Variants in PPIL2 observed in about 807,000 individuals in gnomAD.
PPIL2 encodes the protein RING-type E3 ubiquitin-protein ligase PPIL2.
PPIL2 carries 50 observed loss-of-function variants against 75.2 expected under a neutral mutation model. The observed-to-expected ratio is 0.66, with a 90% CI of 0.53 to 0.84. The LOEUF (loss-of-function observed/expected upper bound fraction) is 0.84, where lower values mean the gene tolerates loss of function less well. PPIL2 is among the 40% of genes least tolerant of loss of function. PPIL2 has a pLI of 0.00. For missense variants in PPIL2, 590 were observed against 685.0 expected, an observed-to-expected ratio of 0.86 and a Z score of 1.55; for synonymous variants, 245 against 258.8, an observed-to-expected ratio of 0.95 and a Z score of 0.51.
Position 21,695,634 on chromosome 22 carries a change from C to T in PPIL2, c.*144C>T, listed in dbSNP as rs968952451. The T allele has an allele frequency of 2.0e-6, 3 of 1,469,350 alleles. No homozygotes were observed. Among genetic ancestry groups the T allele is most frequent in the African/African-American group, 1.4e-5 (1 of 70,910 alleles). The allele number at this position is 1,469,350 out of a possible 1,614,324, so 91.0% of individuals were successfully genotyped here. On this transcript the variant is annotated 3_prime_UTR_variant, in exon 20 of 20. Transcript: ENST00000398831. The stretch of plus-strand genomic sequence containing the variant: ...CTGCCTGCATCCCCTTTCCTGGCCC[C>T]TGGGAGCCCACAGCCTTCCCATCCC...
chr22:21,698,198 G>A (rs1302573875), downstream of PPIL2: 1 of 147,938 alleles, frequency 6.8e-6, no homozygotes, highest in Non-Finnish European at 1.5e-5. Flanking sequence ...GTTTAAAAAT[G>A]AGCTTGTATT....
rs373331521 is a variant in PPIL2, at chr22:21,694,563, C to G, written c.1197-30C>G. On this transcript the variant is annotated intron_variant, in intron 16 of 19. Coordinates refer to ENST00000398831, the MANE Select transcript of PPIL2 (RefSeq NM_014337.4). ...CGTGGGGGTGCCCTCCTTGAGCACACGCAGACCCACCTCTGTCTCCCTGCT... is the reference window on the plus strand; with the variant it reads ...CGTGGGGGTGCCCTCCTTGAGCACAGGCAGACCCACCTCTGTCTCCCTGCT... The G allele has an allele frequency of 1.2e-5, 20 of 1,612,476 alleles. No homozygotes were observed. The African/African-American group carries it at 2.4e-4, about 19-fold the overall frequency.
At chr22:21,688,150 C>T (rs770308555) in intron 14 of PPIL2, 44 bp downstream of exon 14, 2 of 1,612,994 alleles carry the variant, frequency 1.2e-6, no homozygotes, top group Non-Finnish European at 1.7e-6. Context: ...TTTGGCTGCT[C>T]CGTGGGGCAT....
rs2067949625 is a variant in PPIL2, at chr22:21,696,733, C to G, written c.*1243C>G. ...TTTTCTCATTTTTGTTGCCCCAAAT[C>G]TTGAACCTGTCAGCAACTTGCAGGC... On this transcript the variant is annotated 3_prime_UTR_variant, in exon 20 of 20. Coordinates refer to ENST00000398831, the MANE Select transcript of PPIL2 (RefSeq NM_014337.4). The G allele has an allele frequency of 6.5e-7, 1 of 1,538,654 alleles. No homozygotes were observed. The highest frequency in any genetic ancestry group is 8.7e-7 in the Non-Finnish European group (1 of 1,146,620).
intron 15 of PPIL2, among the ~76,000 whole-genome samples, chr22:21,691,889 T>C (rs2067656245): frequency 1.3e-5 from 2 of 152,180 alleles, no homozygotes. Flanking sequence ...GCCTCGGGTG[T>C]GGTCAGACTT....
intron 7 of PPIL2, 57 bp downstream of exon 7, chr22:21,681,447 C>A (rs2148533954): frequency 1.4e-6 from 2 of 1,470,456 alleles, no homozygotes; most frequent in East Asian, 4.5e-5. Context: ...GCTGTGTGTT[C>A]CTAGTATACA....
Position 21,696,608 on chromosome 22 carries a change from C to T in PPIL2, c.*1118C>T. 6.7e-7 allele frequency: 1 copy of T among 1,487,338 alleles called. No homozygotes were observed. The highest frequency in any genetic ancestry group is 8.9e-7 in the Non-Finnish European group (1 of 1,122,006). 92.1% of individuals were successfully genotyped at this position (1,487,338 alleles called of 1,614,324 possible). ...GGTCAGTGTTCTCATGTCATGGACT[C>T]TCCTTGCCTGACACTTGCCTCTTGG... On this transcript the variant is annotated 3_prime_UTR_variant, in exon 20 of 20. Coordinates refer to ENST00000398831, the MANE Select transcript of PPIL2 (RefSeq NM_014337.4).
At chr22:21,666,163 C>CCG in intron 1 of PPIL2, 32 bp downstream of exon 1, 1 of 1,595,522 alleles carries the variant, frequency 6.3e-7, no homozygotes, top group Non-Finnish European at 8.6e-7. Flanking sequence ...AGCGGCGCTC[C>CCG]ACTCTGCCTC....
chr22:21,669,995 G>A (rs758792424), intron 2 of PPIL2, 33 bp downstream of exon 2: 15 of 1,594,586 alleles, frequency 9.4e-6, no homozygotes, highest in South Asian at 1.1e-5. Context: ...TCCCCGTTGG[G>A]GGAGTGGTAT....
chr22:21,670,486 TA>T (rs1161333071), intron 2 of PPIL2, 79 bp from the exon 3 acceptor site: 18 of 1,502,336 alleles, frequency 1.2e-5, no homozygotes, highest in Non-Finnish European at 1.5e-5. Flanking sequence ...TCATAAGCTG[TA>T]ACTGAATTGC....
At chr22:21,674,238 A>G (rs1053057004) in intron 5 of PPIL2, among the ~76,000 whole-genome samples, 1 of 152,152 alleles carries the variant, frequency 6.6e-6, no homozygotes, top group Non-Finnish European at 1.5e-5. Context: ...GTCTCCCCAC[A>G]GCCCCGCCCC....
Position 21,696,515 on chromosome 22 carries a change from C to G in PPIL2, c.*1025C>G. ...GCAGCCCTTAAAGAAAGACCCCTCC[C>G]TCAACCCCCATTTTTCTGTTAAATG... On this transcript the variant is annotated 3_prime_UTR_variant, in exon 20 of 20. Transcript: ENST00000398831. The G allele has an allele frequency of 7.7e-7, 1 of 1,301,496 alleles. No individual in the cohort carries two copies. Among genetic ancestry groups the G allele is most frequent in the Non-Finnish European group, 9.8e-7 (1 of 1,016,568 alleles). 80.6% of individuals were successfully genotyped at this position (1,301,496 alleles called of 1,614,324 possible).
At chr22:21,687,833 C>T in intron 13 of PPIL2, 101 bp downstream of exon 13, 4 of 1,251,580 alleles carry the variant, frequency 3.2e-6, no homozygotes, top group South Asian at 2.6e-5. Flanking sequence ...GCCCATCCCA[C>T]GGTGGCCAGG....
intron 15 of PPIL2, among the ~76,000 whole-genome samples, chr22:21,691,137 T>G (rs1245668833): frequency 6.6e-6 from 1 of 151,174 alleles, no homozygotes; most frequent in African/African-American, 2.4e-5. Flanking sequence ...AGAGACAGGG[T>G]TTCACCATGT....
intron 6 of PPIL2, among the ~76,000 whole-genome samples, chr22:21,681,038 AG>A (rs1985484959): frequency 2.0e-5 from 3 of 152,046 alleles, no homozygotes; most frequent in Non-Finnish European, 2.9e-5. Context: ...GTGATCACCC[AG>A]GGGTGGGCTG....
In PPIL2 at chr22:21,695,902, G is replaced by C. The variant is rs2067908723; in HGVS notation, c.*412G>C. On this transcript the variant is annotated 3_prime_UTR_variant, in exon 20 of 20. Transcript: ENST00000398831. ...AGTGGTGTGATCATGGCTCACTGCA[G>C]CCTCGACCTCCTGGGCTCAAGCAAT... 3.1e-6 allele frequency: 3 copies of C among 967,984 alleles called. No individual in the cohort carries two copies. Among genetic ancestry groups the C allele is most frequent in the Non-Finnish European group, 3.8e-6 (3 of 795,366 alleles). The allele number at this position is 967,984 out of a possible 1,614,324, so 60.0% of individuals were successfully genotyped here.
At chr22:21,681,850 G>T (rs1208972712) in intron 7 of PPIL2, among the ~76,000 whole-genome samples, 1 of 152,244 alleles carries the variant, frequency 6.6e-6, no homozygotes, top group Non-Finnish European at 1.5e-5. Context: ...TTCACACATG[G>T]GTCCTCCTCT....
rs768939730 is a variant in PPIL2, at chr22:21,688,723, C to T, written c.1022-9C>T. On this transcript the variant is annotated splice_polypyrimidine_tract_variant and intron_variant, in intron 14 of 19. Coordinates refer to ENST00000398831, the MANE Select transcript of PPIL2 (RefSeq NM_014337.4). Reference sequence around the variant, plus strand: ...GGCTTTCCTGCTCCCATGGGCCTTTCTCTTCCAGGTGGGGAGTCATACTGG... The same window carrying T: ...GGCTTTCCTGCTCCCATGGGCCTTTTTCTTCCAGGTGGGGAGTCATACTGG... 1 of 1,613,608 alleles carries T rather than the reference C, an allele frequency of 6.2e-7. No individual in the cohort carries two copies. The highest frequency in any genetic ancestry group is 1.1e-5 in the South Asian group (1 of 91,060).
chr22:21,692,342 GAT>G (rs1491235073), intron 15 of PPIL2, among the ~76,000 whole-genome samples: 1 of 151,582 alleles, frequency 6.6e-6, no homozygotes, highest in Non-Finnish European at 1.5e-5. Flanking sequence ...TTTTAGTAGA[GAT>G]GGGGTTTCAC....
Sources: gnomAD v4.1 joint callset for allele counts (sites outside exome capture counted in the v4.1 genomes callset) on GRCh38, gnomAD v4.1.1 for gene constraint, MANE v1.5 for transcripts, NCBI Gene and HGNC (gene_info 2026-07-23, HGNC 2026-07-21) for gene names.